Variants in WDR7 observed in about 807,000 individuals in gnomAD.
WDR7 encodes WD repeat domain 7.
WDR7 carries 46 observed loss-of-function variants against 169.4 expected under a neutral mutation model. That is an observed-to-expected ratio of 0.27 (90% confidence interval 0.21 to 0.35). The LOEUF is 0.35. Among genes scored for constraint, WDR7 ranks in the 10% least tolerant of loss-of-function variants. The probability of loss-of-function intolerance (pLI) is 1.00; values close to 1 mark genes in which losing one functional copy is unlikely to be tolerated. For missense variants in WDR7, 1,534 were observed against 1,859.3 expected (o/e 0.83, Z 3.22); for synonymous variants, 612 against 666.8 (o/e 0.92, Z 1.27).
chr18:56,896,828 A>G (rs1176701583), intron 21 of WDR7, among the ~76,000 whole-genome samples: 1 of 152,008 alleles, frequency 6.6e-6, no homozygotes, highest in Admixed American at 6.6e-5. Context: ...GACAAATTCA[A>G]GTACATTAAA....
chr18:56,821,866 G>T (rs1412260606), intron 20 of WDR7, among the ~76,000 whole-genome samples: 1 of 152,020 alleles, frequency 6.6e-6, no homozygotes, highest in Non-Finnish European at 1.5e-5. Flanking sequence ...AGGTGTGGTG[G>T]TGCGCACCTG....
intron 20 of WDR7, among the ~76,000 whole-genome samples, chr18:56,831,632 A>C (rs2045310322): frequency 1.3e-5 from 2 of 151,890 alleles, no homozygotes. Context: ...GAACTGAGGT[A>C]CCTGGTTCAT....
chr18:57,022,976 C>T (rs564914722), intron 27 of WDR7, among the ~76,000 whole-genome samples: 1 of 152,342 alleles, frequency 6.6e-6, no homozygotes, highest in Admixed American at 6.5e-5. Context: ...CTGTTATTTG[C>T]ACATGCCAAA....
intron 14 of WDR7, among the ~76,000 whole-genome samples, chr18:56,744,245 G>GAAAAAAAAAAAAAAAAAA (rs58110613): frequency 2.3e-5 from 2 of 86,884 alleles, no homozygotes; most frequent in Non-Finnish European, 4.4e-5. Context: ...TCTCAAAAAA[G>GAAAAAAAAAAAAAAAAAA]AAAAAAAAAA....
chr18:56,742,695 G>C (rs1174658573), intron 14 of WDR7, among the ~76,000 whole-genome samples: 1 of 152,196 alleles, frequency 6.6e-6, no homozygotes. Flanking sequence ...GCGGAAGCCT[G>C]TCTCAGCTTG....
chr18:56,682,986 T>A (rs942698503), intron 5 of WDR7, 133 bp downstream of exon 5: 2 of 965,000 alleles, frequency 2.1e-6, no homozygotes, highest in South Asian at 1.7e-5. Flanking sequence ...ACACCAATAA[T>A]TTATGGTCTG....
At chr18:56,870,995 A>G (rs536476513) in intron 20 of WDR7, among the ~76,000 whole-genome samples, 14 of 152,186 alleles carry the variant, frequency 9.2e-5, no homozygotes, top group Non-Finnish European at 1.6e-4. Context: ...ATGCCATATC[A>G]CATTTAAAAT....
intron 27 of WDR7, among the ~76,000 whole-genome samples, chr18:57,023,598 A>T (rs2048319882): frequency 6.6e-6 from 1 of 152,258 alleles, no homozygotes; most frequent in South Asian, 2.1e-4. Flanking sequence ...GAAGGGAAGA[A>T]AAAAGCCAAA....
In WDR7 at chr18:56,706,662, A is replaced by G. The variant is rs1201765752; in HGVS notation, c.1578+10200A>G. Among the ~76,000 whole-genome samples, 11 of 152,052 alleles carry G rather than the reference A, an allele frequency of 7.2e-5. No homozygotes were observed. In the East Asian group the frequency reaches 2.1e-3, roughly 29 times the overall value. ...TTGTACGTTCATTTTCAGTACTCAA[A>G]TGACTTTTTAGAAAAATTTTATTTT... On this transcript the variant is annotated intron_variant, in intron 12 of 27. Transcript: ENST00000254442.
chr18:56,658,347 G>A (rs1419892129), intron 1 of WDR7, among the ~76,000 whole-genome samples: 1 of 152,056 alleles, frequency 6.6e-6, no homozygotes, highest in African/African-American at 2.4e-5. Flanking sequence ...CAAGTGATCT[G>A]CCTGCCTCGG....
chr18:56,796,513 T>C (rs1156893872), intron 19 of WDR7, among the ~76,000 whole-genome samples: 1 of 152,196 alleles, frequency 6.6e-6, no homozygotes, highest in Non-Finnish European at 1.5e-5. Context: ...GATTTCTGCA[T>C]TGATAACTGT....
At chr18:56,724,626 A>AT (rs200636999) in intron 13 of WDR7, among the ~76,000 whole-genome samples, 4,397 of 150,696 alleles carry the variant, frequency 0.029, 213 homozygotes, top group African/African-American at 0.1. Flanking sequence ...ACACAGTTAA[A>AT]TTTTTTTTAC....
chr18:56,815,095 C>G (rs934642245), intron 19 of WDR7, among the ~76,000 whole-genome samples: 4 of 151,942 alleles, frequency 2.6e-5, no homozygotes, highest in African/African-American at 9.7e-5. Context: ...AGTTAATACC[C>G]CTTGTTAGAA....
At chr18:56,885,228 T>G (rs1197895877) in intron 21 of WDR7, among the ~76,000 whole-genome samples, 1 of 152,116 alleles carries the variant, frequency 6.6e-6, no homozygotes, top group East Asian at 1.9e-4. Flanking sequence ...AACAAGGTTT[T>G]GTAATACCTC....
intron 13 of WDR7, among the ~76,000 whole-genome samples, chr18:56,727,479 G>T (rs2026485374): frequency 6.6e-6 from 1 of 152,126 alleles, no homozygotes; most frequent in East Asian, 1.9e-4. Flanking sequence ...GAGGCCTCAG[G>T]AAACTTACAA....
At chr18:57,009,171 A>AATCATAT (rs2048105172) in intron 26 of WDR7, among the ~76,000 whole-genome samples, 1 of 152,210 alleles carries the variant, frequency 6.6e-6, no homozygotes, top group African/African-American at 2.4e-5. Context: ...TTAATAGAAA[A>AATCATAT]ATGTTGGATG....
At chr18:56,799,461 T>A (rs1325775173) in intron 19 of WDR7, among the ~76,000 whole-genome samples, 2 of 147,772 alleles carry the variant, frequency 1.4e-5, no homozygotes, top group Non-Finnish European at 2.9e-5. Flanking sequence ...TTAATACTTG[T>A]TACTGATACT....
At chr18:57,017,275 G>A (rs994283095) in intron 26 of WDR7, among the ~76,000 whole-genome samples, 11 of 152,202 alleles carry the variant, frequency 7.2e-5, no homozygotes, top group African/African-American at 2.7e-4. Context: ...TTAAAACAGC[G>A]AACTTCCCTG....
chr18:56,844,273 C>G (rs572526122), intron 20 of WDR7, among the ~76,000 whole-genome samples: 31 of 152,020 alleles, frequency 2.0e-4, no homozygotes, highest in African/African-American at 7.0e-4. Context: ...GATGCTGAGG[C>G]AAAAGAACAT....
Sources: gnomAD v4.1 joint callset for allele counts (sites outside exome capture counted in the v4.1 genomes callset) on GRCh38, gnomAD v4.1.1 for gene constraint, MANE v1.5 for transcripts, NCBI Gene and HGNC (gene_info 2026-07-23, HGNC 2026-07-21) for gene names.